SPACA7: variants seen among roughly 807,000 people sequenced by gnomAD.
SPACA7 encodes the protein sperm acrosome associated 7, also known as sperm acrosome-associated protein 7.
A neutral mutation model predicts 26.3 loss-of-function variants in SPACA7; 19 were observed. The observed-to-expected ratio is 0.72, with a 90% CI of 0.50 to 1.06. The LOEUF is 1.06. Ranked by LOEUF, SPACA7 falls within the 50% of genes least tolerant of loss-of-function variation. The pLI is 0.00. For synonymous variants in SPACA7, 84 were observed against 84.5 expected (o/e 0.99, Z 0.04); for missense variants, 211 against 229.9 (o/e 0.92, Z 0.53).
At chr13:112,406,311 C>G (rs192681055) in intron 5 of SPACA7, among the ~76,000 whole-genome samples, 1 of 152,306 alleles carries the variant, frequency 6.6e-6, no homozygotes, top group African/African-American at 2.4e-5. Flanking sequence ...ATGAATTTGA[C>G]TAGTCAGGTG....
chr13:112,381,649 T>C (rs1337393792), intron 1 of SPACA7, among the ~76,000 whole-genome samples: 1 of 152,208 alleles, frequency 6.6e-6, no homozygotes, highest in African/African-American at 2.4e-5. Flanking sequence ...CAGAGTTTTA[T>C]TATTACTCAA....
At chr13:112,397,366 A>T (rs1239730926) in intron 2 of SPACA7, among the ~76,000 whole-genome samples, 1 of 151,570 alleles carries the variant, frequency 6.6e-6, no homozygotes, top group Non-Finnish European at 1.5e-5. Context: ...GACAGCGGTG[A>T]CTCTCGGTTG....
chr13:112,422,540 A>T (rs896513572), intron 5 of SPACA7, among the ~76,000 whole-genome samples: 1 of 152,180 alleles, frequency 6.6e-6, no homozygotes, highest in African/African-American at 2.4e-5. Flanking sequence ...CATCTTTTTG[A>T]CCACAAAACA....
chr13:112,399,057 T>G lies in SPACA7; in HGVS notation c.242-9T>G. ...TTTTCCCCATTTTTTTCCATGTTCT[T>G]CATTGAAGATGCTGGTATTGATGAG... On this transcript the variant is annotated splice_polypyrimidine_tract_variant and intron_variant, in intron 3 of 6. Coordinates refer to ENST00000283550, the MANE Select transcript of SPACA7 (RefSeq NM_145248.5). The G allele has an allele frequency of 6.4e-7, 1 of 1,554,882 alleles. No individual in the cohort carries two copies. Among genetic ancestry groups the G allele is most frequent in the Non-Finnish European group, 8.9e-7 (1 of 1,128,956 alleles).
At chr13:112,404,718 G>T (rs1885863424) in intron 5 of SPACA7, among the ~76,000 whole-genome samples, 1 of 152,122 alleles carries the variant, frequency 6.6e-6, no homozygotes, top group Non-Finnish European at 1.5e-5. Flanking sequence ...TTGAAGATCA[G>T]TTGGCTGTAA....
intron 5 of SPACA7, among the ~76,000 whole-genome samples, chr13:112,410,553 T>A (rs933454559): frequency 1.3e-5 from 2 of 152,120 alleles, no homozygotes; most frequent in African/African-American, 4.8e-5. Flanking sequence ...GCAGATATTA[T>A]GCTAAGTGAA....
intron 5 of SPACA7, among the ~76,000 whole-genome samples, chr13:112,409,957 G>A (rs1886239938): frequency 1.3e-5 from 2 of 152,108 alleles, no homozygotes; most frequent in Admixed American, 1.3e-4. Context: ...CAAAGACTTG[G>A]AACCAACCCA....
intron 1 of SPACA7, among the ~76,000 whole-genome samples, chr13:112,383,048 GAAGGAAAGAA>G (rs1566452393): frequency 1.4e-5 from 2 of 144,420 alleles, no homozygotes; most frequent in African/African-American, 5.4e-5. Flanking sequence ...GAGAAAGACA[GAAGGAAAGAA>G]AGAGACAGAA....
intron 4 of SPACA7, among the ~76,000 whole-genome samples, chr13:112,399,591 T>C (rs1308612269): frequency 6.6e-6 from 1 of 152,134 alleles, no homozygotes; most frequent in African/African-American, 2.4e-5. Context: ...CTCCAACAGA[T>C]GAGTCTGCTG....
chr13:112,403,441 A>G (rs188234167), intron 5 of SPACA7, among the ~76,000 whole-genome samples: 75 of 152,082 alleles, frequency 4.9e-4, no homozygotes, highest in African/African-American at 1.5e-3. Flanking sequence ...TTTAATTTCC[A>G]TAGGTTTTTG....
intron 1 of SPACA7, among the ~76,000 whole-genome samples, chr13:112,379,594 A>C (rs1250993223): frequency 6.6e-6 from 1 of 152,252 alleles, no homozygotes; most frequent in Non-Finnish European, 1.5e-5. Flanking sequence ...ACAATTTCTG[A>C]AACACTTATA....
At chr13:112,378,606 G>T (rs1350193909) in intron 1 of SPACA7, 2 of 467,178 alleles carry the variant, frequency 4.3e-6, no homozygotes, top group Non-Finnish European at 8.9e-6. Context: ...TTCACATGTG[G>T]TACCTAAAGA....
At chr13:112,411,757 G>T (rs1378911738) in intron 5 of SPACA7, among the ~76,000 whole-genome samples, 4 of 152,064 alleles carry the variant, frequency 2.6e-5, no homozygotes, top group African/African-American at 9.7e-5. Flanking sequence ...TGCTGCAATT[G>T]ACAGGATTTT....
At chr13:112,380,361 C>T (rs368584425) in intron 1 of SPACA7, among the ~76,000 whole-genome samples, 109 of 146,666 alleles carry the variant, frequency 7.4e-4, no homozygotes, top group African/African-American at 2.7e-3. Context: ...GCCAAGATCA[C>T]GCCATTGCAC....
intron 5 of SPACA7, among the ~76,000 whole-genome samples, chr13:112,414,472 G>A (rs145518301): frequency 0.017 from 1,971 of 118,144 alleles, 41 homozygotes; most frequent in African/African-American, 0.06. Context: ...GTGCAATGGC[G>A]TGATCTCAGC....
At chr13:112,412,312 TAC>T (rs202054366) in intron 5 of SPACA7, among the ~76,000 whole-genome samples, 5,103 of 152,238 alleles carry the variant, frequency 0.034, 95 homozygotes, top group Middle Eastern at 0.068. Flanking sequence ...TTTGTTTTGC[TAC>T]AGAGTTGTTT....
intron 2 of SPACA7, among the ~76,000 whole-genome samples, chr13:112,397,800 G>A (rs1442523636): frequency 6.6e-6 from 1 of 152,200 alleles, no homozygotes; most frequent in Non-Finnish European, 1.5e-5. Context: ...CCTTTGGGGG[G>A]CAATGTTCAG....
chr13:112,434,285 AG>A (rs1339631167), intron 6 of SPACA7, among the ~76,000 whole-genome samples, 199 bp from the exon 7 acceptor site: 5 of 152,186 alleles, frequency 3.3e-5, no homozygotes, highest in Non-Finnish European at 5.9e-5. Context: ...GTGGCCCCGC[AG>A]GGAGAGCCAA....
At chr13:112,412,641 GAGAT>G (rs1886423781) in intron 5 of SPACA7, among the ~76,000 whole-genome samples, 1 of 152,062 alleles carries the variant, frequency 6.6e-6, no homozygotes, top group African/African-American at 2.4e-5. Flanking sequence ...ATATGGGTGA[GAGAT>G]AGGGGTCAAG....
Sources: allele counts gnomAD v4.1 joint callset (sites outside exome capture counted in the v4.1 genomes callset), GRCh38; gene constraint gnomAD v4.1.1; transcripts MANE v1.5; gene names NCBI Gene and HGNC (gene_info 2026-07-23, HGNC 2026-07-21).